The following EPHB6 variants were observed in gnomAD, a reference collection of about 807,000 sequenced individuals.
EPHB6 encodes the protein EPH receptor B6, also known as ephrin type-B receptor 6.
Under a neutral mutation model 107.0 loss-of-function variants are expected in EPHB6, and 51 were observed. That is an observed-to-expected ratio of 0.48 (90% CI 0.38 to 0.60). EPHB6 has a LOEUF of 0.60. Among genes scored for constraint, EPHB6 ranks in the 20% least tolerant of loss-of-function variants. The pLI, the probability that EPHB6 is intolerant of heterozygous loss-of-function variation, is 0.00. For missense variants in EPHB6, 1,141 were observed against 1,355.5 expected (o/e 0.84, Z 2.48); for synonymous variants, 553 against 549.0 (o/e 1.01, Z -0.10).
In EPHB6 at chr7:142,868,153, A is replaced by G. The variant is rs1182541504; in HGVS notation, c.1919-88A>G. The G allele has an allele frequency of 6.2e-7, 1 of 1,613,802 alleles. No homozygotes were observed. The highest frequency in any genetic ancestry group is 8.5e-7 in the Non-Finnish European group (1 of 1,179,872). On this transcript the variant is annotated intron_variant, in intron 13 of 19. Transcript: ENST00000652003. This position sits in a 1 kb window ranked among gnomAD's most constrained non-coding sequence, Gnocchi z 4.2. ...AAGATTGGGGGAGCTCCTTGGCACA[A>G]CCTTCTGGAGGTAAGTGGGCATGTC...
At position 142,868,234 on chromosome 7, in the gene EPHB6, C is replaced by T. The variant is rs374301179; in HGVS notation, c.1919-7C>T. 1.9e-6 allele frequency: 3 copies of T among 1,614,166 alleles called. No homozygotes were observed. The highest frequency in any genetic ancestry group is 1.7e-5 in the Admixed American group (1 of 60,032). ...ACACGCTCATAACATACTCCACACC[C>T]CTCCAGGACTCGGGGTGAAGTATTA... On this transcript the variant is annotated splice_region_variant and splice_polypyrimidine_tract_variant and intron_variant, in intron 13 of 19. Transcript: ENST00000652003. This position sits in a 1 kb window ranked among gnomAD's most constrained non-coding sequence, Gnocchi z 4.2.
intron 7 of EPHB6, among the ~76,000 whole-genome samples, chr7:142,865,195 C>T (rs777942091): frequency 6.6e-6 from 1 of 152,164 alleles, no homozygotes; most frequent in Non-Finnish European, 1.5e-5. Flanking sequence ...GCAGAGGGAG[C>T]TTATGCAATA....
In EPHB6 at chr7:142,868,043, A is replaced by G; in HGVS notation, c.1912A>G (p.Ser638Gly). Residue 638 changes from serine to glycine, a missense_variant, in exon 13 of 20, where the codon AGC becomes GGC. Transcript: ENST00000652003. The surrounding 1 kb of genome is among the most constrained non-coding windows in gnomAD (Gnocchi z 4.2). ...GYTEQLQQYS[S>G]PGLGVKYYID... ...CACAGAGCAGCTGCAGCAATACAGC[A>G]GCCCAGGTGGGGATGAGGAGAGGAA... is the stretch of plus-strand genomic sequence containing the variant. 1 of 1,599,954 alleles carries G rather than the reference A, an allele frequency of 6.3e-7. No individual in the cohort carries two copies. Among genetic ancestry groups the G allele is most frequent in the Non-Finnish European group, 8.5e-7 (1 of 1,173,144 alleles).
rs1458581076 is a variant in EPHB6 at position 142,871,079 on chromosome 7, A to G, written c.*175A>G. ...CCAGCCCCCTCCTCATTAAAGGGAA[A>G]GAAGGGAATTTGCAGGTTTGGTGTG... is the stretch of plus-strand genomic sequence containing the variant. On this transcript the variant is annotated 3_prime_UTR_variant, in exon 20 of 20. Transcript: ENST00000652003. 4.2e-6 allele frequency: 3 copies of G among 716,202 alleles called. No individual in the cohort carries two copies. The highest frequency in any genetic ancestry group is 3.5e-5 in the African/African-American group (2 of 57,234). The allele number at this position is 716,202 out of a possible 1,614,324, so 44.4% of individuals were successfully genotyped here. A position where few individuals can be genotyped will look rare whatever the true frequency, so the allele number is the denominator to read the frequency against.
chr7:142,859,755 A>G (rs1802762773), intron 1 of EPHB6, among the ~76,000 whole-genome samples: 1 of 152,216 alleles, frequency 6.6e-6, no homozygotes, highest in African/African-American at 2.4e-5. Context: ...TTTTTAATGA[A>G]TATCTTTGTT....
rs369643566 is a variant in EPHB6, at chr7:142,867,066, A to G, written c.1748A>G (p.Gln583Arg). ...AAAGTCTATTTCCAGACACTTCCTC[A>G]AGGTGAGCGGGGGTCAAGGGCCAGA... ...GGKVYFQTLPQGELSSQLPER... is the reference protein window; with the variant it reads ...GGKVYFQTLPRGELSSQLPER... The change falls in exon 11 of 20, where the codon CAA becomes CGA. Residue 583 changes from glutamine to arginine, a missense_variant and splice_region_variant. By Grantham distance (43) the Gln-to-Arg change is conservative. Coordinates refer to ENST00000652003, the MANE Select transcript of EPHB6 (RefSeq NM_004445.6). The surrounding 1 kb of genome is among the most constrained non-coding windows in gnomAD (Gnocchi z 5.3). 1.2e-6 allele frequency: 2 copies of G among 1,613,092 alleles called. No individual in the cohort carries two copies. Among genetic ancestry groups the G allele is most frequent in the African/African-American group, 1.3e-5 (1 of 75,024 alleles).
chr7:142,866,088 G>A lies in EPHB6; in HGVS notation c.1234G>A (p.Glu412Lys), dbSNP rs758132192. ...CTTCAATGTCGTGTGCAAGGAGTGT[G>A]AAGGCCGCCAGGAACCTGCCAGCGG... is the stretch of plus-strand genomic sequence containing the variant. Reference protein sequence around the residue: ...LLFNVVCKECEGRQEPASGGG... With the variant: ...LLFNVVCKECKGRQEPASGGG... The change falls in exon 9 of 20, where the codon GAA becomes AAA. Residue 412 changes from glutamate (E) to lysine (K), a missense_variant. This residue lies in a region of EPHB6 where 304 missense variants were observed against 295.7 expected (regional missense o/e 1.03). Coordinates refer to ENST00000652003, the MANE Select transcript of EPHB6 (RefSeq NM_004445.6). The surrounding 1 kb of genome is among the most constrained non-coding windows in gnomAD (Gnocchi z 5.2). The A allele has an allele frequency of 7.4e-6, 12 of 1,611,852 alleles. No homozygotes were observed. The South Asian group carries it at 1.3e-4, about 18-fold the overall frequency.
At chr7:142,863,023 T>C (rs1389606025) in intron 4 of EPHB6, 104 bp from the exon 5 acceptor site, 3 of 595,212 alleles carry the variant, frequency 5.0e-6, no homozygotes, top group Non-Finnish European at 9.0e-6. Flanking sequence ...ATTGGAGAGC[T>C]GTAGGAGGAG....
Position 142,855,966 on chromosome 7 carries a change from G to C in EPHB6, c.-432+581G>C, listed in dbSNP as rs1244202470. On this transcript the variant is annotated intron_variant, in intron 1 of 19. Transcript: ENST00000652003. The surrounding 1 kb of genome is among the most constrained non-coding windows in gnomAD (Gnocchi z 4.2). ...GTGCTCCTGCCCCAGCTCCACCCTC[G>C]CTCTGCTCCCTCCATCTGGGTGCTT... 2.0e-5 allele frequency among the ~76,000 whole-genome samples: 3 copies of C among 152,080 alleles called. No homozygotes were observed. Among genetic ancestry groups the C allele is most frequent in the African/African-American group, 7.2e-5 (3 of 41,404 alleles).
Position 142,864,202 on chromosome 7 carries a change from G to A in EPHB6, c.402G>A (p.Gln134=). ...AGACCTTCACCCTTTACTACCGTCA[G>A]GCTGAGGAGCCCGACAGCCCTGACA... ...CRETFTLYYR[Q]AEEPDSPDSV... Residue 134 remains glutamine, a synonymous_variant, in exon 7 of 20, where the codon CAG becomes CAA. Coordinates refer to ENST00000652003, the MANE Select transcript of EPHB6 (RefSeq NM_004445.6). The A allele has an allele frequency of 2.5e-6, 4 of 1,613,884 alleles. No individual in the cohort carries two copies. The highest frequency in any genetic ancestry group is 2.5e-6 in the Non-Finnish European group (3 of 1,180,042).
At position 142,868,397 on chromosome 7, in the gene EPHB6, G is replaced by T. The variant is rs1284222664; in HGVS notation, c.2038+37G>T. 6.8e-6 allele frequency: 11 copies of T among 1,613,948 alleles called. No individual in the cohort carries two copies. The highest frequency in any genetic ancestry group is 6.7e-5 in the Admixed American group (4 of 60,014). On this transcript the variant is annotated intron_variant, in intron 14 of 19. Coordinates refer to ENST00000652003, the MANE Select transcript of EPHB6 (RefSeq NM_004445.6). This position sits in a 1 kb window ranked among gnomAD's most constrained non-coding sequence, Gnocchi z 4.2. ...CCAAAGCAGGGATCAGAGCGACGGGGCTCCCTTGTGGCCTCCGCTGGCCAG... is the reference window on the plus strand; with the variant it reads ...CCAAAGCAGGGATCAGAGCGACGGGTCTCCCTTGTGGCCTCCGCTGGCCAG...
chr7:142,870,180 C>T (rs372385748), intron 17 of EPHB6, 34 bp from the exon 18 acceptor site: 324 of 1,613,622 alleles, frequency 2.0e-4, no homozygotes, highest in Non-Finnish European at 2.7e-4. Flanking sequence ...ACTAACAAAA[C>T]TTCCCATCGT....
chr7:142,863,827 A>T, intron 6 of EPHB6, 132 bp downstream of exon 6: 1 of 1,490,098 alleles, frequency 6.7e-7, no homozygotes, highest in Non-Finnish European at 9.4e-7. Context: ...GAGCACCAAG[A>T]TTTCAAGGTA....
Position 142,865,535 on chromosome 7 carries a change from C to G in EPHB6, c.1010C>G (p.Ala337Gly). 1 of 1,613,380 alleles carries G rather than the reference C, an allele frequency of 6.2e-7. No homozygotes were observed. Residue 337 changes from alanine (A) to glycine (G), a missense_variant, in exon 8 of 20, where the codon GCC becomes GGC. Ala to Gly is a moderately conservative substitution (Grantham distance 60, BLOSUM62 0). Transcript: ENST00000652003. ...AATGCTCCCTGCTCACCATGCCCTG[C>G]CCGCAGTCACGCTCCCAACCCAGCA... ...AGNAPCSPCP[A>G]RSHAPNPAAP...
At position 142,870,556 on chromosome 7, in the gene EPHB6, T is replaced by A; in HGVS notation, c.2831T>A (p.Val944Glu). 1.2e-6 allele frequency: 2 copies of A among 1,614,228 alleles called. No homozygotes were observed. Among genetic ancestry groups the A allele is most frequent in the Non-Finnish European group, 1.7e-6 (2 of 1,180,030 alleles). ...ERPSQALLTPVALDFPCLDSP... is the reference protein window; with the variant it reads ...ERPSQALLTPEALDFPCLDSP... ...CCTTCCCAGGCCCTTCTGACCCCTG[T>A]GGCCCTGGACTTTCCTTGTCTGGAC... The change falls in exon 19 of 20, where the codon GTG becomes GAG. Residue 944 changes from valine (V) to glutamate (E), a missense_variant. Val to Glu is a moderately radical substitution (Grantham distance 121, BLOSUM62 -2). This residue lies in a region of EPHB6 where 616 missense variants were observed against 759.3 expected (regional missense o/e 0.81). Transcript: ENST00000652003.
Position 142,867,526 on chromosome 7 carries a change from GGT to G in EPHB6, c.1751-74_1751-73del. 2 of 1,159,674 alleles carry G rather than the reference GGT, an allele frequency of 1.7e-6. No homozygotes were observed. Among genetic ancestry groups the G allele is most frequent in the Non-Finnish European group, 2.5e-6 (2 of 791,638 alleles). 71.8% of individuals were successfully genotyped at this position (1,159,674 alleles called of 1,614,324 possible). On this transcript the variant is annotated intron_variant, in intron 11 of 19. Coordinates refer to ENST00000652003, the MANE Select transcript of EPHB6 (RefSeq NM_004445.6). The surrounding 1 kb of genome is among the most constrained non-coding windows in gnomAD (Gnocchi z 5.3). Reference sequence around the variant, plus strand: ...GCGCGTGCATGTTGTGTGTGCCTGTGGTGTGTGTGGGTGCCTGGGCACATGAA... The same window carrying G: ...GCGCGTGCATGTTGTGTGTGCCTGTGGTGTGTGGGTGCCTGGGCACATGAA...
At chr7:142,860,244 T>C (rs770127529) in intron 1 of EPHB6, among the ~76,000 whole-genome samples, 3 of 152,206 alleles carry the variant, frequency 2.0e-5, no homozygotes, top group Non-Finnish European at 4.4e-5. Context: ...AATCCATCCA[T>C]GTTCTGAGTG....
chr7:142,870,489 T>C, intron 18 of EPHB6, 41 bp from the exon 19 acceptor site: 1 of 1,614,018 alleles, frequency 6.2e-7, no homozygotes, highest in East Asian at 2.2e-5. Flanking sequence ...GGGGCTAAGA[T>C]GAAGAGGAGA....
At chr7:142,856,556 C>T (rs1802619916) in intron 1 of EPHB6, among the ~76,000 whole-genome samples, 2 of 152,158 alleles carry the variant, frequency 1.3e-5, no homozygotes, top group Non-Finnish European at 2.9e-5. Flanking sequence ...GGCTGTTCTG[C>T]TATCACTCTG....
Sources: gnomAD v4.1 joint callset for allele counts (sites outside exome capture counted in the v4.1 genomes callset) on GRCh38, gnomAD v4.1.1 for gene constraint, gnomAD v4.1.1 regional missense constraint, Gnocchi (gnomAD v3.1) non-coding constraint, MANE v1.5 for transcripts, NCBI Gene and HGNC (gene_info 2026-07-23, HGNC 2026-07-21) for gene names.